QKI: variants seen among roughly 807,000 people sequenced by gnomAD.
QKI encodes KH domain-containing RNA-binding protein QKI.
A neutral mutation model predicts 39.0 loss-of-function variants in QKI; 10 were observed. The observed-to-expected ratio is 0.26, with a 90% CI of 0.16 to 0.43. The LOEUF (loss-of-function observed/expected upper bound fraction) is 0.43. Among genes scored for constraint, QKI ranks in the 20% least tolerant of loss-of-function variants. QKI has a pLI of 1.00. For missense variants in QKI, 218 were observed against 428.0 expected, an observed-to-expected ratio of 0.51 and a Z score of 4.33; for synonymous variants, 204 against 155.4, an observed-to-expected ratio of 1.31 and a Z score of -2.33.
intron 1 of QKI, among the ~76,000 whole-genome samples, chr6:163,427,115 T>G (rs980914134): frequency 2.6e-5 from 4 of 152,140 alleles, no homozygotes; most frequent in African/African-American, 9.7e-5. Flanking sequence ...TTAAACATGT[T>G]CATTACTCTC....
intron 4 of QKI, among the ~76,000 whole-genome samples, chr6:163,552,343 G>A (rs1782284678): frequency 6.6e-6 from 1 of 151,446 alleles, no homozygotes; most frequent in Admixed American, 6.6e-5. Context: ...CAAGTAGCTG[G>A]GACTACAGGT....
At chr6:163,503,620 G>T (rs1010752443) in intron 3 of QKI, among the ~76,000 whole-genome samples, 11 of 151,954 alleles carry the variant, frequency 7.2e-5, no homozygotes, top group African/African-American at 2.4e-4. Flanking sequence ...GCTTTTGAGG[G>T]TTTAGTTATA....
rs571354271 is a variant in QKI at position 163,524,635 on chromosome 6, A to G, written c.403-10347A>G. 5.8e-3 allele frequency among the ~76,000 whole-genome samples: 329 copies of G among 56,328 alleles called. 1 individual carries two copies. The highest frequency in any genetic ancestry group is 0.019 in the African/African-American group (313 of 16,188). The allele number at this position is 56,328 out of a possible 152,430, so 37.0% of individuals were successfully genotyped here. A position where few individuals can be genotyped will look rare whatever the true frequency, so the allele number is the denominator to read the frequency against. ...AGACATGTGCCACCATGCCCGGCTA[A>G]TTTTGTATTTTAGTAGAGACGGGGT... On this transcript the variant is annotated intron_variant, in intron 3 of 7. Coordinates refer to ENST00000361752, the MANE Select transcript of QKI (RefSeq NM_006775.3).
Position 163,552,198 on chromosome 6 carries a change from C to T in QKI, c.547-9784C>T, listed in dbSNP as rs142485169. Among the ~76,000 whole-genome samples the T allele has an allele frequency of 1.3e-3, 182 of 137,010 alleles. 3 individuals carry two copies. The East Asian group carries it at 0.035, about 26-fold the overall frequency. The allele number at this position is 137,010 out of a possible 152,430, so 89.9% of individuals were successfully genotyped here. A position where few individuals can be genotyped will look rare whatever the true frequency, so the allele number is the denominator to read the frequency against. On this transcript the variant is annotated intron_variant, in intron 4 of 7. Transcript: ENST00000361752. ...AGCAGAAGTGGATCATCATAAAGTT[C>T]GTTCGTTCTTTTTTTTTTTTTTTTT...
At chr6:163,549,019 G>A (rs1171820355) in intron 4 of QKI, among the ~76,000 whole-genome samples, 1 of 152,142 alleles carries the variant, frequency 6.6e-6, no homozygotes, top group African/African-American at 2.4e-5. Flanking sequence ...ATAGAATATG[G>A]TTGCTGACTG....
At position 163,448,806 on chromosome 6, in the gene QKI, G is replaced by C. The variant is rs111703358; in HGVS notation, c.143-6473G>C. Among the ~76,000 whole-genome samples the C allele has an allele frequency of 7.7e-3, 1,168 of 152,034 alleles. 15 individuals carry two copies. Among genetic ancestry groups the C allele is most frequent in the African/African-American group, 0.027 (1,106 of 41,472 alleles). ...TTAATCTAGTTGCTCTCTGTACCTT[G>C]TGAACTTGGCCTCTTAAAAAGAGCA... On this transcript the variant is annotated intron_variant, in intron 1 of 7. Transcript: ENST00000361752.
chr6:163,431,692 A>T (rs1788841543), intron 1 of QKI, among the ~76,000 whole-genome samples: 1 of 152,040 alleles, frequency 6.6e-6, no homozygotes, highest in Non-Finnish European at 1.5e-5. Flanking sequence ...ATCTCCCCTC[A>T]TTCAGTTATA....
At chr6:163,503,674 T>G (rs1778921169) in intron 3 of QKI, among the ~76,000 whole-genome samples, 1 of 152,118 alleles carries the variant, frequency 6.6e-6, no homozygotes, top group South Asian at 2.1e-4. Context: ...GTTCCTAGGT[T>G]TTCTTCTAGG....
chr6:163,455,843 T>C (rs1790871755), intron 2 of QKI, among the ~76,000 whole-genome samples: 2 of 152,190 alleles, frequency 1.3e-5, no homozygotes, highest in Admixed American at 6.5e-5. Context: ...CCACTGATTG[T>C]AATCTGATTT....
intron 3 of QKI, among the ~76,000 whole-genome samples, chr6:163,481,442 T>C (rs533395100): frequency 6.6e-6 from 1 of 152,276 alleles, no homozygotes; most frequent in East Asian, 1.9e-4. Flanking sequence ...GTTTGGTGAG[T>C]ACCTGGCACA....
intron 6 of QKI, chr6:163,566,407 C>A: frequency 8.1e-7 from 1 of 1,230,980 alleles, no homozygotes; most frequent in Non-Finnish European, 1.0e-6. Context: ...AAAGGCACTT[C>A]AGTGAATATG....
intron 3 of QKI, among the ~76,000 whole-genome samples, chr6:163,516,701 A>G (rs935100307): frequency 6.6e-6 from 1 of 152,026 alleles, no homozygotes; most frequent in African/African-American, 2.4e-5. Flanking sequence ...GGTCTTAACT[A>G]TTTTCCATAT....
intron 7 of QKI, chr6:163,569,278 G>T (rs1783561834): frequency 2.0e-6 from 2 of 1,011,070 alleles, no homozygotes; most frequent in South Asian, 7.1e-5. Flanking sequence ...TGTTCTAAAT[G>T]ATAGACTATA....
chr6:163,461,328 A>G (rs2128220753), intron 2 of QKI, among the ~76,000 whole-genome samples: 1 of 152,280 alleles, frequency 6.6e-6, no homozygotes, highest in African/African-American at 2.4e-5. Flanking sequence ...TTTAGCTGAT[A>G]TTTTTCCAAC....
chr6:163,559,422 C>T (rs1295257466), intron 4 of QKI, among the ~76,000 whole-genome samples: 1 of 119,416 alleles, frequency 8.4e-6, no homozygotes, highest in Admixed American at 9.1e-5. Flanking sequence ...TTTCAAATGA[C>T]TAGTTTTTAG....
chr6:163,553,103 TTTATTTATTTA>T (rs1782365144), intron 4 of QKI, among the ~76,000 whole-genome samples: 6 of 141,342 alleles, frequency 4.2e-5, no homozygotes, highest in South Asian at 2.1e-4. Context: ...TATTTATTTA[TTTATTTATTTA>T]TTTTTTGAGA....
intron 3 of QKI, among the ~76,000 whole-genome samples, chr6:163,490,263 TAGTC>T (rs1032112615): frequency 2.6e-5 from 4 of 152,210 alleles, no homozygotes; most frequent in Non-Finnish European, 4.4e-5. Context: ...AAATGACTGT[TAGTC>T]AGTTTTCATT....
chr6:163,514,750 A>G (rs999615293), intron 3 of QKI, among the ~76,000 whole-genome samples: 1 of 152,214 alleles, frequency 6.6e-6, no homozygotes, highest in Non-Finnish European at 1.5e-5. Context: ...ATGCAAAAAT[A>G]AATCTTTTGA....
chr6:163,430,583 C>A (rs565395634), intron 1 of QKI, among the ~76,000 whole-genome samples: 1 of 151,982 alleles, frequency 6.6e-6, no homozygotes, highest in African/African-American at 2.4e-5. Flanking sequence ...TCTGGATTAG[C>A]GAGTGTGTGA....
Sources: allele counts gnomAD v4.1 joint callset (sites outside exome capture counted in the v4.1 genomes callset), GRCh38; gene constraint gnomAD v4.1.1; transcripts MANE v1.5; gene names NCBI Gene and HGNC (gene_info 2026-07-23, HGNC 2026-07-21).